The following DOP1B variants were observed in gnomAD, a reference collection of about 807,000 sequenced individuals.
The protein encoded by DOP1B is protein DOP1B.
DOP1B carries 174 observed loss-of-function variants against 233.5 expected under a neutral mutation model. The ratio of observed to expected loss-of-function variants is 0.75; its 90% CI spans 0.66 to 0.85. The LOEUF (loss-of-function observed/expected upper bound fraction) is 0.85, where lower values mean the gene tolerates loss of function less well. Among genes scored for constraint, DOP1B ranks in the 40% least tolerant of loss-of-function variants. DOP1B has a pLI of 0.00. For synonymous variants in DOP1B, 1,190 were observed against 1,185.6 expected, an observed-to-expected ratio of 1.00 and a Z score of -0.08; for missense variants, 2,652 against 2,846.6, an observed-to-expected ratio of 0.93 and a Z score of 1.56.
intron 1 of DOP1B, among the ~76,000 whole-genome samples, chr21:36,158,814 A>AAAG (rs1555884744): frequency 7.2e-6 from 1 of 138,442 alleles, no homozygotes; most frequent in Non-Finnish European, 1.6e-5. Context: ...AAAAAAAAAA[A>AAAG]AAAAGAAAAG....
chr21:36,204,566 C>G (rs1334696208), intron 4 of DOP1B, among the ~76,000 whole-genome samples: 2 of 152,054 alleles, frequency 1.3e-5, no homozygotes, highest in Non-Finnish European at 2.9e-5. Context: ...TCACTGCAGT[C>G]TCAACCTCCA....
At chr21:36,241,235 A>G (rs1439670827) in intron 18 of DOP1B, among the ~76,000 whole-genome samples, 1 of 151,904 alleles carries the variant, frequency 6.6e-6, no homozygotes, top group African/African-American at 2.4e-5. Flanking sequence ...CAGAGGTTGC[A>G]GTGAGCCAAG....
intron 1 of DOP1B, 101 bp from the exon 2 acceptor site, chr21:36,164,607 C>A: frequency 1.1e-6 from 1 of 895,714 alleles, no homozygotes; most frequent in Non-Finnish European, 1.6e-6. Flanking sequence ...AGTTTGTGCA[C>A]AGTTGTGTTT....
intron 23 of DOP1B, among the ~76,000 whole-genome samples, chr21:36,254,389 T>TGAGGGAG (rs2123615580): frequency 6.6e-6 from 1 of 151,878 alleles, no homozygotes; most frequent in South Asian, 2.1e-4. Context: ...TGGGAAAGGA[T>TGAGGGAG]GAGGGAGGAG....
At chr21:36,214,003 G>A in intron 7 of DOP1B, 78 bp from the exon 8 acceptor site, 1 of 1,157,044 alleles carries the variant, frequency 8.6e-7, no homozygotes, top group Non-Finnish European at 1.3e-6. Flanking sequence ...AAAAATATTG[G>A]AGCATGAGAC....
intron 15 of DOP1B, among the ~76,000 whole-genome samples, chr21:36,235,868 G>GGC (rs963093358): frequency 4.7e-5 from 7 of 147,842 alleles, no homozygotes; most frequent in East Asian, 4.2e-4. Flanking sequence ...GAAGTCGGGG[G>GGC]GGGGGCGGTC....
chr21:36,157,120 C>T (rs11702726), intron 1 of DOP1B, among the ~76,000 whole-genome samples, 177 bp downstream of exon 1: 119,271 of 152,080 alleles, frequency 0.78, 46,815 homozygotes, highest in East Asian at 0.83. Context: ...CCCGGGCCTG[C>T]GGCGCGCTCT....
In DOP1B at chr21:36,238,701, G is replaced by A; in HGVS notation, c.2876G>A (p.Arg959Lys). The A allele has an allele frequency of 1.2e-6, 2 of 1,614,140 alleles. No individual in the cohort carries two copies. Among genetic ancestry groups the A allele is most frequent in the Non-Finnish European group, 1.7e-6 (2 of 1,179,974 alleles). Residue 959 changes from arginine to lysine, a missense_variant and splice_region_variant, in exon 17 of 37, where the codon AGG (arginine) becomes AAG (lysine). This residue lies in a region of DOP1B where 2,617 missense variants were observed against 2,794.3 expected (regional missense o/e 0.94). Transcript: ENST00000691173. Reference protein sequence around the residue: ...RVTSHNRSFDRSLFVVLDSLA... With the variant: ...RVTSHNRSFDKSLFVVLDSLA... Reference sequence around the variant, plus strand: ...ACATCTCACAATCGCTCCTTTGATAGGTGAGGCGGCCTTCGTTATGATCTA... The same window carrying A: ...ACATCTCACAATCGCTCCTTTGATAAGTGAGGCGGCCTTCGTTATGATCTA...
intron 23 of DOP1B, among the ~76,000 whole-genome samples, chr21:36,258,972 GTTTT>G (rs551334908): frequency 0.053 from 6,158 of 116,008 alleles, 136 homozygotes; most frequent in African/African-American, 0.093. Context: ...GCCTTTCACT[GTTTT>G]TTTTTTTTTT....
At chr21:36,244,920 G>A in intron 18 of DOP1B, 128 bp from the exon 19 acceptor site, 1 of 901,376 alleles carries the variant, frequency 1.1e-6, no homozygotes, top group South Asian at 2.0e-5. Context: ...CTCTGGTGGT[G>A]GTGTTTCATG....
chr21:36,216,367 T>G (rs1266588266), intron 9 of DOP1B, among the ~76,000 whole-genome samples: 1 of 148,606 alleles, frequency 6.7e-6, no homozygotes, highest in East Asian at 2.0e-4. Context: ...TCCCAGCACT[T>G]TGGGAAGCTG....
At chr21:36,203,361 G>C (rs747164551) in intron 4 of DOP1B, among the ~76,000 whole-genome samples, 11 of 152,132 alleles carry the variant, frequency 7.2e-5, no homozygotes, top group Non-Finnish European at 1.6e-4. Flanking sequence ...AAGATTTTTT[G>C]GTTGCTATAT....
intron 9 of DOP1B, among the ~76,000 whole-genome samples, chr21:36,218,682 C>T (rs1264660183): frequency 6.6e-6 from 1 of 152,128 alleles, no homozygotes; most frequent in Non-Finnish European, 1.5e-5. Context: ...TTCATTTTCT[C>T]TGAATTGATT....
At chr21:36,238,056 A>G (rs2066846877) in intron 16 of DOP1B, among the ~76,000 whole-genome samples, 1 of 152,058 alleles carries the variant, frequency 6.6e-6, no homozygotes, top group Non-Finnish European at 1.5e-5. Context: ...AATCCCAGCT[A>G]CTCGGGAGGC....
intron 23 of DOP1B, among the ~76,000 whole-genome samples, chr21:36,255,431 T>C (rs138900494): frequency 7.0e-6 from 1 of 143,648 alleles, no homozygotes; most frequent in East Asian, 2.2e-4. Flanking sequence ...CCGGCCAAAA[T>C]TTGCATAATT....
In DOP1B at chr21:36,278,311, G is replaced by A. The variant is rs1319269006; in HGVS notation, c.5925G>A (p.Leu1975=). The A allele has an allele frequency of 1.9e-6, 3 of 1,613,858 alleles. No homozygotes were observed. In the Admixed American group the frequency reaches 5.0e-5, roughly 27 times the overall value. ...CCTGGAGGAAGGAGGTCCTGGAGCTGTTTCTCGACCCCGCTTTCTTTCAGA... is the reference window on the plus strand; with the variant it reads ...CCTGGAGGAAGGAGGTCCTGGAGCTATTTCTCGACCCCGCTTTCTTTCAGA... The part of the protein sequence containing the change: ...KRAWRKEVLE[L]FLDPAFFQMD... The change falls in exon 30 of 37, where the codon CTG becomes CTA. Residue 1975 remains leucine, a synonymous_variant. Transcript: ENST00000691173.
Position 36,223,232 on chromosome 21 carries a change from G to A in DOP1B, c.1252G>A (p.Ala418Thr), listed in dbSNP as rs2066646436. The A allele has an allele frequency of 6.3e-7, 1 of 1,597,168 alleles. No homozygotes were observed. Among genetic ancestry groups the A allele is most frequent in the African/African-American group, 1.4e-5 (1 of 73,810 alleles). The change falls in exon 11 of 37, where the codon GCA (alanine) becomes ACA (threonine). Residue 418 changes from alanine (A) to threonine (T), a missense_variant and splice_region_variant. By Grantham distance (58) the Ala-to-Thr change is moderately conservative (BLOSUM62 0). Transcript: ENST00000691173. ...YTQSGNSLIS[A>T]IKENRNASEI... ...TATTCATGTCCTCCCCTTTTACAGT[G>A]CAATCAAGGAAAACAGAAATGCCTC...
intron 9 of DOP1B, among the ~76,000 whole-genome samples, chr21:36,215,476 C>T (rs2066548479): frequency 6.6e-6 from 1 of 152,024 alleles, no homozygotes; most frequent in Non-Finnish European, 1.5e-5. Flanking sequence ...TCTCGGCTCA[C>T]TAAAACCTCT....
At chr21:36,172,780 A>G (rs2065984791) in intron 2 of DOP1B, among the ~76,000 whole-genome samples, 1 of 151,786 alleles carries the variant, frequency 6.6e-6, no homozygotes, top group African/African-American at 2.4e-5. Flanking sequence ...GGCTTTGGTG[A>G]TCGTCACATT....
Sources: gnomAD v4.1 joint callset for allele counts (sites outside exome capture counted in the v4.1 genomes callset) on GRCh38, gnomAD v4.1.1 for gene constraint, gnomAD v4.1.1 regional missense constraint, MANE v1.5 for transcripts, NCBI Gene and HGNC (gene_info 2026-07-23, HGNC 2026-07-21) for gene names.